Variants in ITPR1 observed in about 807,000 individuals in gnomAD.
The protein encoded by ITPR1 is inositol 1,4,5-trisphosphate receptor type 1.
ITPR1 carries 96 observed loss-of-function variants against 318.4 expected under a neutral mutation model. The ratio of observed to expected loss-of-function variants is 0.30; its 90% CI spans 0.26 to 0.36. The LOEUF (loss-of-function observed/expected upper bound fraction) is 0.36. Among genes scored for constraint, ITPR1 ranks in the 10% least tolerant of loss-of-function variants. The probability of loss-of-function intolerance (pLI) is 1.00; values close to 1 mark genes in which losing one functional copy is unlikely to be tolerated. For missense variants in ITPR1, 2,440 were observed against 3,460.2 expected (o/e 0.71, Z 7.40); for synonymous variants, 1,312 against 1,289.9 (o/e 1.02, Z -0.37).
chr3:4,557,086 C>T (rs2086203229), intron 4 of ITPR1, among the ~76,000 whole-genome samples: 1 of 152,148 alleles, frequency 6.6e-6, no homozygotes, highest in Admixed American at 6.5e-5. Context: ...AGCCCAGAAT[C>T]TCAACTCTTA....
At chr3:4,841,408 A>G (rs888894999) in intron 61 of ITPR1, among the ~76,000 whole-genome samples, 2 of 152,246 alleles carry the variant, frequency 1.3e-5, no homozygotes, top group Non-Finnish European at 2.9e-5. Context: ...GAGCAACGGC[A>G]TGAAAATGCA....
intron 5 of ITPR1, 62 bp downstream of exon 5, chr3:4,627,940 G>T: frequency 3.0e-6 from 3 of 984,082 alleles, no homozygotes; most frequent in Non-Finnish European, 4.6e-6. Context: ...GTGGTATCTG[G>T]GTGTAATGGT....
At chr3:4,778,689 C>T (rs572879846) in intron 48 of ITPR1, among the ~76,000 whole-genome samples, 1 of 152,298 alleles carries the variant, frequency 6.6e-6, no homozygotes, top group East Asian at 1.9e-4. Flanking sequence ...AGTTCATGTG[C>T]TCCTGGTCAG....
At chr3:4,533,025 C>T (rs1052827805) in intron 4 of ITPR1, among the ~76,000 whole-genome samples, 23 of 152,262 alleles carry the variant, frequency 1.5e-4, no homozygotes, top group Non-Finnish European at 4.4e-5. Context: ...TGTTTTCCCA[C>T]CGAAGGACCC....
intron 4 of ITPR1, among the ~76,000 whole-genome samples, chr3:4,593,709 A>G (rs1324531165): frequency 6.6e-6 from 1 of 152,270 alleles, no homozygotes; most frequent in Non-Finnish European, 1.5e-5. Context: ...GTTCACTTAT[A>G]AGACATGATC....
chr3:4,567,432 G>A (rs2087425290), intron 4 of ITPR1, among the ~76,000 whole-genome samples: 1 of 152,146 alleles, frequency 6.6e-6, no homozygotes, highest in Non-Finnish European at 1.5e-5. Flanking sequence ...ATTGTTGTAG[G>A]AAAGGAGACA....
intron 4 of ITPR1, among the ~76,000 whole-genome samples, chr3:4,532,568 G>A (rs1012261528): frequency 2.0e-5 from 3 of 151,846 alleles, no homozygotes; most frequent in Non-Finnish European, 2.9e-5. Context: ...ACGGGGTTTC[G>A]CCACGTTGCC....
intron 28 of ITPR1, 52 bp downstream of exon 28, chr3:4,683,850 A>G: frequency 6.6e-7 from 1 of 1,505,080 alleles, no homozygotes; most frequent in Non-Finnish European, 9.1e-7. Context: ...GCTTCTCGAA[A>G]CTAGGGAGCA....
Position 4,669,640 on chromosome 3 carries a change from C to G in ITPR1, c.1887-14C>G. 1 of 1,605,914 alleles carries G rather than the reference C, an allele frequency of 6.2e-7. No individual in the cohort carries two copies. Among genetic ancestry groups the G allele is most frequent in the Non-Finnish European group, 8.5e-7 (1 of 1,175,302 alleles). ...TCTATCTACAGAAAATGTTTTGTTT[C>G]TGTTTCTGTTTAGATTCTTAGATTA... On this transcript the variant is annotated splice_polypyrimidine_tract_variant and intron_variant, in intron 18 of 61. Transcript: ENST00000649015.
chr3:4,786,117 C>G (rs1047133847), intron 51 of ITPR1, among the ~76,000 whole-genome samples: 4 of 152,196 alleles, frequency 2.6e-5, no homozygotes, highest in African/African-American at 9.7e-5. Flanking sequence ...AGATGCACAC[C>G]TCAGATCATC....
At chr3:4,706,066 G>C (rs1408553386) in intron 36 of ITPR1, 101 bp from the exon 37 acceptor site, 2 of 1,221,494 alleles carry the variant, frequency 1.6e-6, no homozygotes, top group South Asian at 1.4e-5. Context: ...GCCCATTCTG[G>C]GTGTGAAAAA....
intron 4 of ITPR1, among the ~76,000 whole-genome samples, chr3:4,556,298 C>A (rs917154777): frequency 2.6e-5 from 4 of 152,040 alleles, no homozygotes; most frequent in African/African-American, 9.7e-5. Flanking sequence ...ATGAACCTAC[C>A]TAGACCCATC....
chr3:4,783,708 T>C (rs758452937), intron 50 of ITPR1, 108 bp from the exon 51 acceptor site: 1 of 917,428 alleles, frequency 1.1e-6, no homozygotes, highest in Non-Finnish European at 1.7e-6. Context: ...GCCCTTTGGC[T>C]TGCTGCTGGT....
At chr3:4,723,527 T>A (rs9809576) in intron 40 of ITPR1, among the ~76,000 whole-genome samples, 53,975 of 151,778 alleles carry the variant, frequency 0.36, 10,535 homozygotes, top group Non-Finnish European at 0.46. Flanking sequence ...GAGGAAATAG[T>A]GTGTCAGTAC....
chr3:4,753,437 G>A (rs1026193551), intron 44 of ITPR1, among the ~76,000 whole-genome samples: 2 of 152,088 alleles, frequency 1.3e-5, no homozygotes, highest in African/African-American at 2.4e-5. Flanking sequence ...TAACCGCTTG[G>A]CCATCTGTAC....
intron 15 of ITPR1, 88 bp downstream of exon 15, chr3:4,662,330 T>C (rs1559638727): frequency 2.5e-6 from 3 of 1,207,916 alleles, no homozygotes; most frequent in Non-Finnish European, 3.3e-6. Flanking sequence ...ATGGTGACTC[T>C]GAACAGCTAA....
intron 2 of ITPR1, among the ~76,000 whole-genome samples, chr3:4,497,595 G>A (rs1470416287): frequency 6.6e-6 from 1 of 152,166 alleles, no homozygotes; most frequent in South Asian, 2.1e-4. Flanking sequence ...TAGATCCCTT[G>A]TGCATTGCCG....
chr3:4,794,653 T>G (rs1360070311), intron 52 of ITPR1, among the ~76,000 whole-genome samples: 1 of 151,982 alleles, frequency 6.6e-6, no homozygotes, highest in Non-Finnish European at 1.5e-5. Context: ...TGCCCCACAC[T>G]TCTAAAAAGC....
intron 2 of ITPR1, among the ~76,000 whole-genome samples, chr3:4,503,139 G>T (rs1213060818): frequency 1.3e-5 from 2 of 148,930 alleles, no homozygotes; most frequent in African/African-American, 2.5e-5. Flanking sequence ...TGAGGACCAT[G>T]TAGAGATATT....
Sources: gnomAD v4.1 joint callset for allele counts (sites outside exome capture counted in the v4.1 genomes callset) on GRCh38, gnomAD v4.1.1 for gene constraint, MANE v1.5 for transcripts, NCBI Gene and HGNC (gene_info 2026-07-23, HGNC 2026-07-21) for gene names.